The following CCSER1 variants were observed in gnomAD, a reference collection of about 807,000 sequenced individuals.
CCSER1 encodes coiled-coil serine rich protein 1.
In CCSER1, 41 loss-of-function variants were observed where a neutral mutation model predicts 82.0. That is an observed-to-expected ratio of 0.50 (90% CI 0.39 to 0.65). The LOEUF (loss-of-function observed/expected upper bound fraction) is 0.65. Among genes scored for constraint, CCSER1 ranks in the 30% least tolerant of loss-of-function variants. The probability of loss-of-function intolerance (pLI) is 0.00; values close to 1 mark genes in which losing one functional copy is unlikely to be tolerated. For missense variants in CCSER1, 1,119 were observed against 1,064.2 expected (o/e 1.05, Z -0.72); for synonymous variants, 414 against 383.9 (o/e 1.08, Z -0.92).
At chr4:90,559,060 C>T (rs763718561) in intron 5 of CCSER1, among the ~76,000 whole-genome samples, 4 of 152,150 alleles carry the variant, frequency 2.6e-5, no homozygotes, top group Non-Finnish European at 2.9e-5. Context: ...CCAGGTCTGC[C>T]AGGGTCCATT....
At chr4:91,245,638 A>G (rs951791222) in intron 10 of CCSER1, among the ~76,000 whole-genome samples, 5 of 152,162 alleles carry the variant, frequency 3.3e-5, no homozygotes, top group African/African-American at 1.2e-4. Context: ...CCTACAATAA[A>G]TGCTAAAGGG....
At chr4:91,257,579 T>G (rs1287708771) in intron 10 of CCSER1, among the ~76,000 whole-genome samples, 2 of 151,964 alleles carry the variant, frequency 1.3e-5, no homozygotes, top group African/African-American at 2.4e-5. Context: ...TTTAAATGGC[T>G]TCTTAAAATT....
intron 8 of CCSER1, among the ~76,000 whole-genome samples, chr4:90,917,956 AG>A (rs1430287996): frequency 1.3e-5 from 2 of 152,050 alleles, no homozygotes; most frequent in Admixed American, 1.3e-4. Context: ...TTCATGACTT[AG>A]GATCTAAATT....
At chr4:90,497,522 T>C (rs1172747621) in intron 5 of CCSER1, among the ~76,000 whole-genome samples, 2 of 152,216 alleles carry the variant, frequency 1.3e-5, no homozygotes, top group Non-Finnish European at 2.9e-5. Context: ...AGAATTTTTA[T>C]AGTACATCTT....
chr4:90,470,808 G>T (rs1273807335), intron 5 of CCSER1, among the ~76,000 whole-genome samples: 1 of 145,658 alleles, frequency 6.9e-6, no homozygotes, highest in Non-Finnish European at 1.5e-5. Context: ...GAGTGTCATT[G>T]GATTGGCTTT....
chr4:90,444,819 C>G lies in CCSER1; in HGVS notation c.1604-23415C>G, dbSNP rs147110141. 1.8e-3 allele frequency among the ~76,000 whole-genome samples: 270 copies of G among 152,064 alleles called. 1 individual carries two copies. Among genetic ancestry groups the G allele is most frequent in the African/African-American group, 5.9e-3 (244 of 41,530 alleles). ...TAAAAGGGTGAAAAATTACGGGCAACTATAATTTCTCAACCAACTTTTAAC... is the reference window on the plus strand; with the variant it reads ...TAAAAGGGTGAAAAATTACGGGCAAGTATAATTTCTCAACCAACTTTTAAC... On this transcript the variant is annotated intron_variant, in intron 4 of 10. Transcript: ENST00000509176.
At chr4:91,558,363 C>T (rs1248885357) in intron 10 of CCSER1, among the ~76,000 whole-genome samples, 3 of 151,624 alleles carry the variant, frequency 2.0e-5, no homozygotes, top group East Asian at 3.9e-4. Context: ...TTATTAAGAA[C>T]CATCAATGAA....
intron 10 of CCSER1, among the ~76,000 whole-genome samples, chr4:91,179,798 C>T (rs185320273): frequency 1.3e-5 from 2 of 152,370 alleles, no homozygotes; most frequent in Non-Finnish European, 2.9e-5. Flanking sequence ...CTGAAGCCTT[C>T]TTCTCTGAAC....
chr4:90,165,861 A>T (rs1273707787), intron 1 of CCSER1, among the ~76,000 whole-genome samples: 1 of 151,974 alleles, frequency 6.6e-6, no homozygotes, highest in Non-Finnish European at 1.5e-5. Flanking sequence ...AGGTGAGATG[A>T]TAAACCAGGA....
At chr4:90,640,029 T>G (rs1222626214) in intron 6 of CCSER1, among the ~76,000 whole-genome samples, 3 of 151,904 alleles carry the variant, frequency 2.0e-5, no homozygotes, top group African/African-American at 7.3e-5. Context: ...ATAGTGTCTT[T>G]CAAAAAGCCA....
In CCSER1 at chr4:90,500,611, G is replaced by A. The variant is rs910234725; in HGVS notation, c.1724+32257G>A. Among the ~76,000 whole-genome samples, 7 of 152,046 alleles carry A rather than the reference G, an allele frequency of 4.6e-5. 1 individual carries two copies. Among genetic ancestry groups the A allele is most frequent in the Admixed American group, 2.6e-4 (4 of 15,258 alleles). On this transcript the variant is annotated intron_variant, in intron 5 of 10. Coordinates refer to ENST00000509176, the MANE Select transcript of CCSER1 (RefSeq NM_001145065.2). ...CTCCTAAAGTGCTAGGATTACCGGC[G>A]AGAACCACTGCTCCCGGCCCACATC... is the stretch of plus-strand genomic sequence containing the variant.
intron 10 of CCSER1, among the ~76,000 whole-genome samples, chr4:91,142,939 T>C (rs1729176916): frequency 7.2e-6 from 1 of 139,778 alleles, no homozygotes; most frequent in Non-Finnish European, 1.6e-5. Flanking sequence ...TTCTTTTTGC[T>C]TAGGGTTAAT....
rs10008474 is a variant in CCSER1, at chr4:90,335,660, G to A, written c.1509+22613G>A. Among the ~76,000 whole-genome samples the A allele has an allele frequency of 6.7e-3, 1,025 of 152,192 alleles. 10 individuals are homozygous for A. Among genetic ancestry groups the A allele is most frequent in the African/African-American group, 0.024 (993 of 41,512 alleles). ...AAATTTGGAAAGTTAATATTTATTG[G>A]AAGTTTATTATATATCAAAACTTAC... On this transcript the variant is annotated intron_variant, in intron 3 of 10. Transcript: ENST00000509176.
At position 91,599,165 on chromosome 4, in the gene CCSER1, A is replaced by G; in HGVS notation, c.*108A>G. Reference sequence around the variant, plus strand: ...ACTTTTTCTTACATTTTAGTTATAAACAGAGTTGTGTTGTTGGGTTTTTTT... The same window carrying G: ...ACTTTTTCTTACATTTTAGTTATAAGCAGAGTTGTGTTGTTGGGTTTTTTT... On this transcript the variant is annotated 3_prime_UTR_variant, in exon 11 of 11. Coordinates refer to ENST00000509176, the MANE Select transcript of CCSER1 (RefSeq NM_001145065.2). 2 of 1,335,230 alleles carry G rather than the reference A, an allele frequency of 1.5e-6. No individual in the cohort carries two copies. The highest frequency in any genetic ancestry group is 3.5e-5 in the South Asian group (2 of 56,534). 82.7% of individuals were successfully genotyped at this position (1,335,230 alleles called of 1,614,324 possible). A position where few individuals can be genotyped will look rare whatever the true frequency, so the allele number is the denominator to read the frequency against.
rs1244035202 is a variant in CCSER1, at chr4:91,235,073, A to G, written c.2217+149079A>G. Among the ~76,000 whole-genome samples the G allele has an allele frequency of 3.9e-5, 6 of 152,106 alleles. No homozygotes were observed. The South Asian group carries it at 1.2e-3, about 32-fold the overall frequency. On this transcript the variant is annotated intron_variant, in intron 10 of 10. Transcript: ENST00000509176. ...GTGCAAAATGAAAAAAACAAAGAAC[A>G]CCCTTGTGATTCAACATAAGTCAAG...
intron 4 of CCSER1, among the ~76,000 whole-genome samples, chr4:90,438,054 A>G (rs565502561): frequency 6.6e-6 from 1 of 152,108 alleles, no homozygotes; most frequent in Admixed American, 6.6e-5. Context: ...TATTTTTCTG[A>G]TAAAGTTATT....
At chr4:91,350,491 A>G (rs1362251248) in intron 10 of CCSER1, among the ~76,000 whole-genome samples, 5 of 152,174 alleles carry the variant, frequency 3.3e-5, no homozygotes, top group African/African-American at 1.2e-4. Context: ...ACAAGCAGGA[A>G]AAGAACATTA....
At chr4:90,591,515 C>G (rs1169036074) in intron 5 of CCSER1, among the ~76,000 whole-genome samples, 1 of 152,088 alleles carries the variant, frequency 6.6e-6, no homozygotes, top group East Asian at 1.9e-4. Context: ...GAATGGCAAT[C>G]ATTAAAAGTT....
intron 7 of CCSER1, among the ~76,000 whole-genome samples, chr4:90,734,505 G>A (rs6532237): frequency 0.26 from 39,604 of 150,890 alleles, 5,883 homozygotes; most frequent in East Asian, 0.35. Flanking sequence ...AGTGTTTTAT[G>A]GTTTTCATTG....
Sources: gnomAD v4.1 joint callset for allele counts (sites outside exome capture counted in the v4.1 genomes callset) on GRCh38, gnomAD v4.1.1 for gene constraint, MANE v1.5 for transcripts, NCBI Gene and HGNC (gene_info 2026-07-23, HGNC 2026-07-21) for gene names.